Variants in BRF2 observed in about 807,000 individuals in gnomAD.
BRF2 encodes transcription factor IIIB 50 kDa subunit.
A neutral mutation model predicts 26.6 loss-of-function variants in BRF2; 17 were observed. The observed-to-expected ratio is 0.64, with a 90% CI of 0.44 to 0.96. BRF2 has a LOEUF of 0.96. BRF2 is among the 40% of genes least tolerant of loss of function. BRF2 has a pLI of 0.00. For synonymous variants in BRF2, 219 were observed against 226.6 expected, an observed-to-expected ratio of 0.97 and a Z score of 0.30; for missense variants, 515 against 537.0, an observed-to-expected ratio of 0.96 and a Z score of 0.40.
In BRF2 at chr8:37,844,634, T is replaced by TAC. The variant is rs766546255; in HGVS notation, c.1114_1115dup (p.Pro373TyrfsTer18). 2.5e-6 allele frequency: 4 copies of TAC among 1,613,782 alleles called. No homozygotes were observed. In the South Asian group the frequency reaches 4.4e-5, roughly 18 times the overall value. ...CTCCAGTGACAGTGGAGACAGGGGG[T>TAC]ACAGGGCAGATCCGCTTCGGGGACT... On this transcript the variant is annotated frameshift_variant, in exon 4 of 4. Transcript: ENST00000220659. LOFTEE classifies it high-confidence loss of function.
chr8:37,846,777 G>A (rs1805965802), intron 3 of BRF2, 77 bp downstream of exon 3: 10 of 1,011,252 alleles, frequency 9.9e-6, no homozygotes, highest in South Asian at 3.1e-5. Flanking sequence ...AAAAAAAAAA[G>A]AGATGGCCAA....
chr8:37,846,718 G>T, intron 3 of BRF2, 136 bp downstream of exon 3: 2 of 690,942 alleles, frequency 2.9e-6, no homozygotes, highest in East Asian at 2.5e-5. Context: ...AGTGAGCTGA[G>T]ATCGTGCCAC....
Position 37,847,179 on chromosome 8 carries a change from G to A in BRF2, c.215-4C>T. The A allele has an allele frequency of 6.2e-7, 1 of 1,612,878 alleles. No individual in the cohort carries two copies. Among genetic ancestry groups the A allele is most frequent in the Non-Finnish European group, 8.5e-7 (1 of 1,178,948 alleles). On this transcript the variant is annotated splice_polypyrimidine_tract_variant and splice_region_variant and intron_variant, in intron 2 of 3. Transcript: ENST00000220659. ...AGGTCTCTCACTCGCCGGAGACCTA[G>A]GAAAAACCCACGGCAAGAGTTAGAG... is the stretch of plus-strand genomic sequence containing the variant.
At position 37,849,777 on chromosome 8, in the gene BRF2, C is replaced by T; in HGVS notation, c.7G>A (p.Gly3Ser). Reference protein sequence around the residue: MPGRGRCPDCGST... With the variant: MPSRGRCPDCGST... ...CCGCAGTCCGGGCAGCGGCCTCTGC[C>T]TGGCATCTCACAACCGGCCCCAAAG... The change falls in exon 1 of 4, where the codon GGC becomes AGC. Residue 3 changes from glycine (G) to serine (S), a missense_variant. By Grantham distance (56) the Gly-to-Ser change is moderately conservative. Coordinates refer to ENST00000220659, the MANE Select transcript of BRF2 (RefSeq NM_018310.4). 1 of 1,609,010 alleles carries T rather than the reference C, an allele frequency of 6.2e-7. No homozygotes were observed. Among genetic ancestry groups the T allele is most frequent in the Non-Finnish European group, 8.5e-7 (1 of 1,178,800 alleles).
chr8:37,845,298 G>T, intron 3 of BRF2, 85 bp from the exon 4 acceptor site: 2 of 1,087,454 alleles, frequency 1.8e-6, no homozygotes, highest in Non-Finnish European at 1.4e-6. Context: ...CTCAAGATGG[G>T]GAAGCTATTC....
At chr8:37,849,288 T>G (rs986056286) in intron 1 of BRF2, among the ~76,000 whole-genome samples, 11 of 152,236 alleles carry the variant, frequency 7.2e-5, no homozygotes, top group Admixed American at 2.6e-4. Context: ...AGTGATGTTT[T>G]GCCAGTTTGT....
At position 37,844,306 on chromosome 8, in the gene BRF2, A is replaced by C. The variant is rs1805906124; in HGVS notation, c.*184T>G. Reference sequence around the variant, plus strand: ...CAAGGGATGGGAATCTCTCCTACCTATAGTCATCCCTGCACTCCTGACTTT... The same window carrying C: ...CAAGGGATGGGAATCTCTCCTACCTCTAGTCATCCCTGCACTCCTGACTTT... On this transcript the variant is annotated 3_prime_UTR_variant, in exon 4 of 4. Transcript: ENST00000220659. 1.5e-6 allele frequency: 1 copy of C among 678,718 alleles called. No homozygotes were observed. The allele number at this position is 678,718 out of a possible 1,614,324, so 42.0% of individuals were successfully genotyped here. A position where few individuals can be genotyped will look rare whatever the true frequency, so the allele number is the denominator to read the frequency against.
chr8:37,844,226 C>A lies in BRF2; in HGVS notation c.*264G>T. 2.1e-6 allele frequency: 1 copy of A among 482,752 alleles called. No individual in the cohort carries two copies. The highest frequency in any genetic ancestry group is 1.9e-5 in the African/African-American group (1 of 52,264). 29.9% of individuals were successfully genotyped at this position (482,752 alleles called of 1,614,324 possible). On this transcript the variant is annotated 3_prime_UTR_variant, in exon 4 of 4. Transcript: ENST00000220659. ...AAGAGCCTGACATTTTCCCATCCAT[C>A]TATGAGGAAAGCCATCTCACAGAAC...
intron 2 of BRF2, among the ~76,000 whole-genome samples, chr8:37,847,704 A>G (rs191934374): frequency 0.012 from 1,748 of 150,114 alleles, 22 homozygotes; most frequent in African/African-American, 0.04. Context: ...TAATTTTTGT[A>G]TTTTTAGTAG....
Position 37,844,975 on chromosome 8 carries a change from G to A in BRF2, c.775C>T (p.Pro259Ser). 1 of 1,613,998 alleles carries A rather than the reference G, an allele frequency of 6.2e-7. No homozygotes were observed. The highest frequency in any genetic ancestry group is 1.3e-5 in the African/African-American group (1 of 75,058). The change falls in exon 4 of 4, where the codon CCC (proline) becomes TCC (serine). Residue 259 changes from proline (P) to serine (S), a missense_variant. Transcript: ENST00000220659. ...TGCAGGCGGGAGGACGCCGGGTAGG[G>A]CAGGTCCACATTTGCCAATTTACAA... ...RFCKLANVDL[P>S]YPASSRLQEL...
intron 2 of BRF2, chr8:37,847,425 C>G: frequency 1.6e-6 from 1 of 613,900 alleles, no homozygotes; most frequent in Non-Finnish European, 3.0e-6. Flanking sequence ...GGGCCAAGCC[C>G]AAGTTTTATC....
At chr8:37,847,229 TC>T in intron 2 of BRF2, 54 bp from the exon 3 acceptor site, 1 of 1,531,350 alleles carries the variant, frequency 6.5e-7, no homozygotes, top group Non-Finnish European at 9.0e-7. Flanking sequence ...ATCGTGCAAC[TC>T]CTAGAAAATT....
chr8:37,849,008 C>T (rs1423265858), intron 1 of BRF2, among the ~76,000 whole-genome samples: 1 of 152,224 alleles, frequency 6.6e-6, no homozygotes. Flanking sequence ...CGGCAGCCTT[C>T]AACTTCCAGG....
chr8:37,849,275 A>C (rs1019377034), intron 1 of BRF2, among the ~76,000 whole-genome samples: 2 of 152,218 alleles, frequency 1.3e-5, no homozygotes, highest in Non-Finnish European at 2.9e-5. Flanking sequence ...GAAAGCAAAG[A>C]AAAGTGATGT....
intron 2 of BRF2, 49 bp from the exon 3 acceptor site, chr8:37,847,224 G>T: frequency 6.5e-7 from 1 of 1,547,332 alleles, no homozygotes; most frequent in Non-Finnish European, 8.9e-7. Flanking sequence ...GAGCTATCGT[G>T]CAACTCCTAG....
Position 37,848,540 on chromosome 8 carries a change from C to T in BRF2, c.214+56G>A, listed in dbSNP as rs1386410837. The T allele has an allele frequency of 1.4e-5, 22 of 1,537,504 alleles. No homozygotes were observed. In the East Asian group the frequency reaches 3.1e-4, roughly 22 times the overall value. On this transcript the variant is annotated intron_variant, in intron 2 of 3. Coordinates refer to ENST00000220659, the MANE Select transcript of BRF2 (RefSeq NM_018310.4). Reference sequence around the variant, plus strand: ...GGGATTACAGGCGTGAGCCACAGCACCTGGCCTAGGATAGTTTTCTTTAAA... The same window carrying T: ...GGGATTACAGGCGTGAGCCACAGCATCTGGCCTAGGATAGTTTTCTTTAAA...
In BRF2 at chr8:37,845,013, G is replaced by C; in HGVS notation, c.737C>G (p.Ser246Cys). The change falls in exon 4 of 4, where the codon TCC (serine) becomes TGC (cysteine). Residue 246 changes from serine (S) to cysteine (C), a missense_variant. Physicochemically the swap from Ser to Cys is moderately radical, Grantham distance 112. Coordinates refer to ENST00000220659, the MANE Select transcript of BRF2 (RefSeq NM_018310.4). ...SLQPADRLSC[S>C]LARFCKLANV... Reference sequence around the variant, plus strand: ...TGCCAATTTACAAAATCGGGCAAGGGAACATGAAAGCCGATCTGCAGGCTG... The same window carrying C: ...TGCCAATTTACAAAATCGGGCAAGGCAACATGAAAGCCGATCTGCAGGCTG... 6.2e-7 allele frequency: 1 copy of C among 1,614,008 alleles called. No homozygotes were observed. The highest frequency in any genetic ancestry group is 1.6e-4 in the Middle Eastern group (1 of 6,062).
At chr8:37,845,283 G>C in intron 3 of BRF2, 70 bp from the exon 4 acceptor site, 2 of 1,253,426 alleles carry the variant, frequency 1.6e-6, no homozygotes, top group South Asian at 2.7e-5. Flanking sequence ...AGGAAAGACA[G>C]CCCACTCAAG....
chr8:37,849,601 C>T (rs774935894), intron 1 of BRF2, 29 bp downstream of exon 1: 1 of 1,597,214 alleles, frequency 6.3e-7, no homozygotes, highest in Non-Finnish European at 8.6e-7. Flanking sequence ...CCCTCCACCG[C>T]CCCAGGCTGT....
Sources: gnomAD v4.1 joint callset for allele counts (sites outside exome capture counted in the v4.1 genomes callset) on GRCh38, gnomAD v4.1.1 for gene constraint, MANE v1.5 for transcripts, NCBI Gene and HGNC (gene_info 2026-07-23, HGNC 2026-07-21) for gene names.